The following PCDHGB2 variants were observed in gnomAD, a reference collection of about 807,000 sequenced individuals.
The protein encoded by PCDHGB2 is protocadherin gamma subfamily B, 2.
PCDHGB2 carries 55 observed loss-of-function variants against 59.3 expected under a neutral mutation model. That is an observed-to-expected ratio of 0.93 (90% confidence interval 0.75 to 1.16). PCDHGB2 has a LOEUF of 1.16. PCDHGB2 is among the 50% of genes most tolerant of loss of function. The pLI is 0.00. For missense variants in PCDHGB2, 1,228 were observed against 1,198.5 expected, an observed-to-expected ratio of 1.02 and a Z score of -0.36; for synonymous variants, 516 against 512.0, an observed-to-expected ratio of 1.01 and a Z score of -0.11.
Position 141,490,869 on chromosome 5 carries a change from A to AT in PCDHGB2, c.2422-3936dup. 1.2e-6 allele frequency: 2 copies of AT among 1,613,902 alleles called. No individual in the cohort carries two copies. Among genetic ancestry groups the AT allele is most frequent in the Non-Finnish European group, 8.5e-7 (1 of 1,179,954 alleles). ...GGGTTCGAGACTCCGGCTCTCCCCC[A>AT]TTGCATGCCAACACATCTCTGCATG... On this transcript the variant is annotated intron_variant, in intron 1 of 3. Coordinates refer to ENST00000522605, the MANE Select transcript of PCDHGB2 (RefSeq NM_018923.3). This position sits in a 1 kb window ranked among gnomAD's most constrained non-coding sequence, Gnocchi z 5.4.
chr5:141,484,805 A>G (rs1594417928), intron 1 of PCDHGB2, among the ~76,000 whole-genome samples: 1 of 151,896 alleles, frequency 6.6e-6, no homozygotes, highest in East Asian at 1.9e-4. Context: ...CCGTGGAAAA[A>G]CATGCCGTTG....
rs752680691 is a variant in PCDHGB2, at chr5:141,433,173, G to A, written c.2422-61634G>A. Reference sequence around the variant, plus strand: ...TCGGTATTTTCTAAAGACAGTCATGGGTTAATTGAGGTGAGTTTATATCAA... The same window carrying A: ...TCGGTATTTTCTAAAGACAGTCATGAGTTAATTGAGGTGAGTTTATATCAA... On this transcript the variant is annotated intron_variant, in intron 1 of 3. Coordinates refer to ENST00000522605, the MANE Select transcript of PCDHGB2 (RefSeq NM_018923.3). 3.1e-6 allele frequency: 5 copies of A among 1,610,344 alleles called. 1 individual carries two copies. In the Middle Eastern group the frequency reaches 5.0e-4, roughly 160 times the overall value.
At position 141,491,753 on chromosome 5, in the gene PCDHGB2, C is replaced by T. The variant is rs373728953; in HGVS notation, c.2422-3054C>T. On this transcript the variant is annotated intron_variant, in intron 1 of 3. Coordinates refer to ENST00000522605, the MANE Select transcript of PCDHGB2 (RefSeq NM_018923.3). The surrounding 1 kb of genome is among the most constrained non-coding windows in gnomAD (Gnocchi z 6.9). ...ACCCCTGGGGGCGGCACTGGAGAAGCCGCCCGTCCTCATAAGGGATTGAAC... is the reference window on the plus strand; with the variant it reads ...ACCCCTGGGGGCGGCACTGGAGAAGTCGCCCGTCCTCATAAGGGATTGAAC... 4 of 1,585,146 alleles carry T rather than the reference C, an allele frequency of 2.5e-6. No homozygotes were observed. Among genetic ancestry groups the T allele is most frequent in the East Asian group, 2.3e-5 (1 of 43,412 alleles).
rs780268305 is a variant in PCDHGB2, at chr5:141,410,637, T to G, written c.2421+48081T>G. 1.9e-6 allele frequency: 3 copies of G among 1,599,938 alleles called. No homozygotes were observed. In the South Asian group the frequency reaches 3.3e-5, roughly 18 times the overall value. ...CTGACTTCGGTGAGTTTCTCTTTTT[T>G]GTGTGTGATTTATCTAATAGTCTAC... On this transcript the variant is annotated intron_variant, in intron 1 of 3. Transcript: ENST00000522605.
In PCDHGB2 at chr5:141,477,017, A is replaced by G; in HGVS notation, c.2422-17790A>G. 2 of 1,614,220 alleles carry G rather than the reference A, an allele frequency of 1.2e-6. No homozygotes were observed. The highest frequency in any genetic ancestry group is 2.2e-5 in the East Asian group (1 of 44,868). ...GCAACTATTCGCCTTAGACCTTGTA[A>G]CCGGGATGCTGACAATCAAGGGTCG... On this transcript the variant is annotated intron_variant, in intron 1 of 3. Coordinates refer to ENST00000522605, the MANE Select transcript of PCDHGB2 (RefSeq NM_018923.3). This position sits in a 1 kb window ranked among gnomAD's most constrained non-coding sequence, Gnocchi z 4.9.
rs200757040 is a variant in PCDHGB2, at chr5:141,431,080, C to T, written c.2422-63727C>T. 3 of 1,614,044 alleles carry T rather than the reference C, an allele frequency of 1.9e-6. No homozygotes were observed. The highest frequency in any genetic ancestry group is 2.5e-6 in the Non-Finnish European group (3 of 1,180,010). ...CCATCAAGTGTCAATTAAATCTAGA[C>T]ATTCTGATGGAGGATAAAGTGAAAA... On this transcript the variant is annotated intron_variant, in intron 1 of 3. Coordinates refer to ENST00000522605, the MANE Select transcript of PCDHGB2 (RefSeq NM_018923.3). This position sits in a 1 kb window ranked among gnomAD's most constrained non-coding sequence, Gnocchi z 4.8.
chr5:141,362,374 A>AC lies in PCDHGB2; in HGVS notation c.2240dup (p.Leu748IlefsTer36), dbSNP rs765639463. The AC allele has an allele frequency of 2.5e-6, 4 of 1,614,036 alleles. No individual in the cohort carries two copies. Among genetic ancestry groups the AC allele is most frequent in the Non-Finnish European group, 3.4e-6 (4 of 1,179,890 alleles). On this transcript the variant is annotated frameshift_variant, in exon 1 of 4. Transcript: ENST00000522605. LOFTEE classifies it high-confidence loss of function. ...GGTTCTCCCCAATTACAGTGAGGGTACATTGCCCTATTCCTACAACCTGTG... is the reference window on the plus strand; with the variant it reads ...GGTTCTCCCCAATTACAGTGAGGGTACCATTGCCCTATTCCTACAACCTGTG...
rs934044974 is a variant in PCDHGB2, at chr5:141,476,034, C to T, written c.2422-18773C>T. 3 of 1,464,488 alleles carry T rather than the reference C, an allele frequency of 2.0e-6. No individual in the cohort carries two copies. The highest frequency in any genetic ancestry group is 2.3e-5 in the Admixed American group (1 of 44,364). The allele number at this position is 1,464,488 out of a possible 1,614,324, so 90.7% of individuals were successfully genotyped here. A position where few individuals can be genotyped will look rare whatever the true frequency, so the allele number is the denominator to read the frequency against. On this transcript the variant is annotated intron_variant, in intron 1 of 3. Transcript: ENST00000522605. The surrounding 1 kb of genome is among the most constrained non-coding windows in gnomAD (Gnocchi z 7.6). ...CCATGTCGGACTCGGCGCCCAGCGC[C>T]CAAGCGCTAACCCGCTGAAAGTTTC...
intron 1 of PCDHGB2, chr5:141,388,238 C>T (rs546808390): frequency 4.8e-5 from 77 of 1,607,582 alleles, no homozygotes; most frequent in Non-Finnish European, 6.4e-5. Flanking sequence ...ACTTTTATCA[C>T]GTGAATGTGG....
chr5:141,400,314 CAA>C (rs1443669567), intron 1 of PCDHGB2: 1 of 1,613,960 alleles, frequency 6.2e-7, no homozygotes, highest in Non-Finnish European at 8.5e-7. Context: ...GTCTCTGTGT[CAA>C]GTCTGGACCT....
At position 141,491,735 on chromosome 5, in the gene PCDHGB2, G is replaced by C. The variant is rs765837152; in HGVS notation, c.2422-3072G>C. ...TCGGCGCCGCCCCGGGCGACCCCTG[G>C]GGGCGGCACTGGAGAAGCCGCCCGT... On this transcript the variant is annotated intron_variant, in intron 1 of 3. Coordinates refer to ENST00000522605, the MANE Select transcript of PCDHGB2 (RefSeq NM_018923.3). The surrounding 1 kb of genome is among the most constrained non-coding windows in gnomAD (Gnocchi z 6.9). 2.5e-6 allele frequency: 4 copies of C among 1,601,968 alleles called. No homozygotes were observed. In the South Asian group the frequency reaches 4.4e-5, roughly 18 times the overall value.
chr5:141,365,120 C>T, intron 1 of PCDHGB2: 1 of 1,613,898 alleles, frequency 6.2e-7, no homozygotes, highest in Non-Finnish European at 8.5e-7. Flanking sequence ...GCTGCTCATG[C>T]TAACCGCCAC....
intron 1 of PCDHGB2, among the ~76,000 whole-genome samples, chr5:141,466,704 T>C (rs1175063183): frequency 6.6e-6 from 1 of 152,202 alleles, no homozygotes; most frequent in Admixed American, 6.5e-5. Context: ...AAATTTGATG[T>C]CTGTTCTTGT....
chr5:141,477,565 C>T lies in PCDHGB2; in HGVS notation c.2422-17242C>T, dbSNP rs1168703868. 3.1e-6 allele frequency: 5 copies of T among 1,614,146 alleles called. No homozygotes were observed. The highest frequency in any genetic ancestry group is 4.2e-6 in the Non-Finnish European group (5 of 1,180,030). On this transcript the variant is annotated intron_variant, in intron 1 of 3. Transcript: ENST00000522605. The surrounding 1 kb of genome is among the most constrained non-coding windows in gnomAD (Gnocchi z 4.9). ...CAATACTAAACCTAAGTGTCTGGGA[C>T]CCCGACGCCCCGCAGAATGCTCGGC... is the stretch of plus-strand genomic sequence containing the variant.
At chr5:141,433,034 C>G (rs1357694242) in intron 1 of PCDHGB2, 2 of 1,614,184 alleles carry the variant, frequency 1.2e-6, no homozygotes, top group Non-Finnish European at 1.7e-6. Flanking sequence ...CGAGGTTTCC[C>G]TCACCACGGA....
chr5:141,485,408 T>C lies in PCDHGB2; in HGVS notation c.2422-9399T>C. On this transcript the variant is annotated intron_variant, in intron 1 of 3. Transcript: ENST00000522605. The surrounding 1 kb of genome is among the most constrained non-coding windows in gnomAD (Gnocchi z 5.7). ...GAACCAAAGACACTTCCGTGTGGAT[T>C]TGGACAGCGGAGCCCTGCTCATCAA... 1 of 1,614,112 alleles carries C rather than the reference T, an allele frequency of 6.2e-7. No individual in the cohort carries two copies. Among genetic ancestry groups the C allele is most frequent in the Non-Finnish European group, 8.5e-7 (1 of 1,180,034 alleles).
intron 1 of PCDHGB2, chr5:141,388,777 A>C: frequency 6.2e-7 from 1 of 1,613,964 alleles, no homozygotes; most frequent in South Asian, 1.1e-5. Flanking sequence ...AACACCGGGG[A>C]AATTACTGTT....
chr5:141,394,864 C>T, intron 1 of PCDHGB2: 4 of 1,613,780 alleles, frequency 2.5e-6, no homozygotes, highest in Non-Finnish European at 3.4e-6. Context: ...TCGGTCGACC[C>T]GAACGATTCG....
chr5:141,427,960 G>T (rs759698390), intron 1 of PCDHGB2: 2 of 1,589,168 alleles, frequency 1.3e-6, no homozygotes, highest in Non-Finnish European at 1.7e-6. Context: ...AATGTGCCGC[G>T]GGTGCTGTAC....
Sources: allele counts gnomAD v4.1 joint callset (sites outside exome capture counted in the v4.1 genomes callset), GRCh38; gene constraint gnomAD v4.1.1; non-coding constraint Gnocchi (gnomAD v3.1); transcripts MANE v1.5; gene names NCBI Gene and HGNC (gene_info 2026-07-23, HGNC 2026-07-21).